Variants in USP26 observed in about 807,000 individuals in gnomAD.
The protein encoded by USP26 is ubiquitin carboxyl-terminal hydrolase 26.
For synonymous variants in USP26, 236 were observed against 240.6 expected (o/e 0.98, Z 0.18); for missense variants, 649 against 642.3 (o/e 1.01, Z -0.11).
At position 133,025,158 on chromosome X, in the gene USP26, G is replaced by C. The variant is rs911260383; in HGVS notation, c.*321C>G. 2.3e-5 allele frequency: 6 copies of C among 259,925 alleles called. No individual in the cohort carries two copies. Among genetic ancestry groups the C allele is most frequent in the African/African-American group, 1.7e-4 (6 of 35,899 alleles). 21.4% of individuals were successfully genotyped at this position (259,925 alleles called of 1,213,427 possible). A position where few individuals can be genotyped will look rare whatever the true frequency, so the allele number is the denominator to read the frequency against. On this transcript the variant is annotated 3_prime_UTR_variant, in exon 6 of 6. Coordinates refer to ENST00000511190, the MANE Select transcript of USP26 (RefSeq NM_031907.3). ...CGCTTGATGCCAGGAGTTTGAGGCT[G>C]CAGTGAGTTATTATTGAAGGACTGC...
chrX:133,045,638 T>C (rs1408899453), intron 5 of USP26, among the ~76,000 whole-genome samples: 3 of 111,227 alleles, frequency 2.7e-5, no homozygotes, highest in Non-Finnish European at 5.7e-5. Flanking sequence ...GGCCGCCTTA[T>C]GAGCTGTAAC....
chrX:133,053,400 C>T (rs756389928), intron 5 of USP26, among the ~76,000 whole-genome samples: 7 of 109,800 alleles, frequency 6.4e-5, no homozygotes, highest in Non-Finnish European at 9.5e-5. Flanking sequence ...TATCCAGGCA[C>T]GGTGGTGCAT....
At chrX:133,058,414 T>C (rs184562118) in intron 5 of USP26, among the ~76,000 whole-genome samples, 7 of 111,846 alleles carry the variant, frequency 6.3e-5, no homozygotes, top group Admixed American at 3.8e-4. Flanking sequence ...GGTCTATTCT[T>C]CTTGCAGTTC....
rs146525524 is a variant in USP26, at chrX:133,025,909, T to C, written c.2312A>G (p.Asn771Ser). The C allele has an allele frequency of 1.2e-5, 15 of 1,209,236 alleles. No individual in the cohort carries two copies. The South Asian group carries it at 2.3e-4, about 19-fold the overall frequency. Residue 771 changes from asparagine (N) to serine (S), a missense_variant, in exon 6 of 6, where the codon AAC becomes AGC. Physicochemically the swap from Asn to Ser is conservative, Grantham distance 46 (BLOSUM62 1). Transcript: ENST00000511190. ...ATTTAATTTTGTAGGTCTTAGGAGG[T>C]TCTTTGTGTGCCCCTGGGTGCCTGG... The part of the protein sequence containing the change: ...PKPGTQGHTK[N>S]LLRPTKLNLQ...
chrX:133,094,842 C>A (rs1207739511), intron 1 of USP26, among the ~76,000 whole-genome samples: 1 of 111,414 alleles, frequency 9.0e-6, no homozygotes, highest in African/African-American at 3.3e-5. Flanking sequence ...CGCCTGTAAT[C>A]CCAGCACTTT....
chrX:133,054,234 T>G (rs991764909), intron 5 of USP26, among the ~76,000 whole-genome samples: 13 of 111,671 alleles, frequency 1.2e-4, no homozygotes, highest in African/African-American at 3.6e-4. Context: ...AGACAGCATT[T>G]AATTCTTTAA....
chrX:133,038,281 T>C (rs1209000191), intron 5 of USP26, among the ~76,000 whole-genome samples: 6 of 111,725 alleles, frequency 5.4e-5, no homozygotes. Context: ...GCCCATTCAG[T>C]ATGATATTGG....
intron 1 of USP26, among the ~76,000 whole-genome samples, chrX:133,092,668 C>T (rs775556868): frequency 5.4e-5 from 6 of 111,725 alleles, no homozygotes; most frequent in African/African-American, 1.6e-4. Flanking sequence ...AAAGTGCCTT[C>T]GGCCTAATAC....
chrX:133,090,447 C>A, intron 3 of USP26, among the ~76,000 whole-genome samples: 1 of 112,428 alleles, frequency 8.9e-6, no homozygotes, highest in South Asian at 3.7e-4. Context: ...AGAACATATG[C>A]CATAGCAGGC....
intron 4 of USP26, among the ~76,000 whole-genome samples, chrX:133,087,916 T>A (rs769267896): frequency 1.6e-4 from 18 of 111,480 alleles, no homozygotes; most frequent in Admixed American, 1.4e-3. Flanking sequence ...ACACTTGTAA[T>A]CCCAGAACTT....
At chrX:133,078,778 A>G (rs1439772563) in intron 5 of USP26, among the ~76,000 whole-genome samples, 1 of 111,947 alleles carries the variant, frequency 8.9e-6, no homozygotes, top group African/African-American at 3.2e-5. Flanking sequence ...TGTCTTCAGT[A>G]ATATAATTTT....
At chrX:133,089,998 T>C (rs1261453317) in intron 4 of USP26, 115 bp downstream of exon 4, 1 of 111,993 alleles carries the variant, frequency 8.9e-6, no homozygotes, top group East Asian at 2.8e-4. Flanking sequence ...GTGACACACA[T>C]ATGTAGCCCC....
intron 1 of USP26, among the ~76,000 whole-genome samples, chrX:133,091,664 C>T (rs763114008): frequency 1.2e-4 from 13 of 111,142 alleles, no homozygotes; most frequent in Admixed American, 1.2e-3. Flanking sequence ...GTCAGCAGTA[C>T]TTAGGAAGAG....
intron 5 of USP26, among the ~76,000 whole-genome samples, chrX:133,047,098 T>C (rs968764076): frequency 8.9e-6 from 1 of 111,784 alleles, no homozygotes; most frequent in Non-Finnish European, 1.9e-5. Flanking sequence ...CTTTCATTTT[T>C]CCTCCACAGG....
rs1602963938 is a variant in USP26 at position 133,025,056 on chromosome X, G to C, written c.*423C>G. 1 of 128,561 alleles carries C rather than the reference G, an allele frequency of 7.8e-6. No homozygotes were observed. The highest frequency in any genetic ancestry group is 1.6e-5 in the Non-Finnish European group (1 of 64,099). The allele number at this position is 128,561 out of a possible 1,213,427, so 10.6% of individuals were successfully genotyped here. On this transcript the variant is annotated 3_prime_UTR_variant, in exon 6 of 6. Transcript: ENST00000511190. ...CAAAAAAAAAAAAAAAAATAGCTAG[G>C]CCTGGTGGCACACATCTATAGTCCC...
chrX:133,093,929 C>T (rs1295326821), intron 1 of USP26, among the ~76,000 whole-genome samples: 5 of 97,745 alleles, frequency 5.1e-5, no homozygotes, highest in African/African-American at 1.9e-4. Context: ...TGTAGAGTGC[C>T]GTGATCACAC....
chrX:133,061,853 G>A (rs191787400), intron 5 of USP26, among the ~76,000 whole-genome samples: 5 of 111,598 alleles, frequency 4.5e-5, no homozygotes, highest in Middle Eastern at 4.6e-3. Flanking sequence ...GCAAAAAACC[G>A]GGCGACTGTT....
At position 133,025,992 on chromosome X, in the gene USP26, G is replaced by T; in HGVS notation, c.2229C>A (p.Asp743Glu). 2 of 1,210,378 alleles carry T rather than the reference G, an allele frequency of 1.7e-6. No individual in the cohort carries two copies. Among genetic ancestry groups the T allele is most frequent in the Non-Finnish European group, 2.2e-6 (2 of 894,460 alleles). The change falls in exon 6 of 6, where the codon GAC becomes GAA. Residue 743 changes from aspartate (D) to glutamate (E), a missense_variant. Physicochemically the swap from Asp to Glu is conservative, Grantham distance 45. Transcript: ENST00000511190. The stretch of plus-strand genomic sequence containing the variant: ...GGGCTTGTTCACAGATTCTCATACC[G>T]TCACACTGCTGAGTCTGTTCAGACA... The part of the protein sequence containing the change: ...QKVSEQTQQC[D>E]GMRICEQAPQ...
chrX:133,061,615 G>A (rs1161121384), intron 5 of USP26, among the ~76,000 whole-genome samples: 2 of 112,227 alleles, frequency 1.8e-5, no homozygotes, highest in Non-Finnish European at 3.8e-5. Flanking sequence ...TAATCTCACT[G>A]GGACTGGTTA....
Sources: allele counts gnomAD v4.1 joint callset (sites outside exome capture counted in the v4.1 genomes callset), GRCh38; gene constraint gnomAD v4.1.1; transcripts MANE v1.5; gene names NCBI Gene and HGNC (gene_info 2026-07-23, HGNC 2026-07-21).